Variants in TAB2 observed in about 807,000 individuals in gnomAD.
TAB2 encodes TGF-beta activated kinase 1 (MAP3K7) binding protein 2.
A neutral mutation model predicts 65.0 loss-of-function variants in TAB2; 3 were observed. The observed-to-expected ratio is 0.05, with a 90% CI of 0.02 to 0.12. The LOEUF is 0.12. TAB2 is among the 10% of genes least tolerant of loss of function. The pLI is 1.00. For missense variants in TAB2, 623 were observed against 840.3 expected (o/e 0.74, Z 3.20); for synonymous variants, 298 against 285.1 (o/e 1.05, Z -0.46).
upstream of TAB2, among the ~76,000 whole-genome samples, chr6:149,314,188 C>T (rs1018398886): frequency 2.0e-5 from 3 of 152,198 alleles, no homozygotes. Context: ...ACTATATTAA[C>T]TCTTCATTAT....
chr6:149,302,397 T>C (rs1236671555), intron 1 of TAB2, among the ~76,000 whole-genome samples: 1 of 152,228 alleles, frequency 6.6e-6, no homozygotes, highest in African/African-American at 2.4e-5. Context: ...TGAAACCCTA[T>C]ATATGAATAT....
chr6:149,307,919 T>C (rs997075398), intron 1 of TAB2, among the ~76,000 whole-genome samples: 2 of 152,244 alleles, frequency 1.3e-5, no homozygotes, highest in Non-Finnish European at 2.9e-5. Flanking sequence ...CTTTTTTCTA[T>C]ACATACCCAC....
intron 1 of TAB2, among the ~76,000 whole-genome samples, chr6:149,232,359 C>T (rs1490392692): frequency 6.6e-6 from 1 of 152,150 alleles, no homozygotes; most frequent in African/African-American, 2.4e-5. Flanking sequence ...CCCCAAGTAG[C>T]TGGGATTACA....
intron 1 of TAB2, among the ~76,000 whole-genome samples, chr6:149,278,548 G>T (rs576596808): frequency 6.6e-6 from 1 of 152,326 alleles, no homozygotes; most frequent in African/African-American, 2.4e-5. Flanking sequence ...CTTTGATGAA[G>T]AAGGTATCAT....
chr6:149,317,866 G>GCGGGGAGGGA lies in TAB2; in HGVS notation c.-239_-238insCGGGGAGGGA. The stretch of plus-strand genomic sequence containing the variant: ...TGAGCGGGGAGGGAGGGAGGGCTGA[G>GCGGGGAGGGA]GTGTCCCCCCTGCCGGGTGGAACCG... On this transcript the variant is annotated 5_prime_UTR_variant, in exon 1 of 7. Transcript: ENST00000637181. This position sits in a 1 kb window ranked among gnomAD's most constrained non-coding sequence, Gnocchi z 4.7. 6.0e-6 allele frequency: 1 copy of GCGGGGAGGGA among 168,030 alleles called. No individual in the cohort carries two copies. The highest frequency in any genetic ancestry group is 1.3e-5 in the Non-Finnish European group (1 of 78,634). The allele number at this position is 168,030 out of a possible 1,614,324, so 10.4% of individuals were successfully genotyped here. A position where few individuals can be genotyped will look rare whatever the true frequency, so the allele number is the denominator to read the frequency against.
intron 1 of TAB2, among the ~76,000 whole-genome samples, chr6:149,231,769 G>A (rs146288624): frequency 5.3e-5 from 8 of 152,288 alleles, no homozygotes; most frequent in Non-Finnish European, 1.0e-4. Context: ...CATTTAGACC[G>A]TATCTCTGGT....
intron 1 of TAB2, among the ~76,000 whole-genome samples, chr6:149,245,838 C>T (rs1341128811): frequency 6.6e-6 from 1 of 152,212 alleles, no homozygotes; most frequent in African/African-American, 2.4e-5. Context: ...CCAGATTCTG[C>T]CTCTTCAAGC....
chr6:149,229,539 T>C (rs1353330793), intron 1 of TAB2, among the ~76,000 whole-genome samples: 2 of 152,154 alleles, frequency 1.3e-5, no homozygotes, highest in Non-Finnish European at 2.9e-5. Flanking sequence ...AGACCTACAC[T>C]GTGCAGAATG....
chr6:149,357,430 AACACACACACACACACACACAC>A (rs1554261742), intron 1 of TAB2, among the ~76,000 whole-genome samples: 16 of 111,146 alleles, frequency 1.4e-4, no homozygotes, highest in Non-Finnish European at 2.9e-4. Context: ...AGAAAAAAAA[AACACACACACACACACACACAC>A]ACACACACAC....
chr6:149,237,388 C>T (rs961540582), intron 1 of TAB2, among the ~76,000 whole-genome samples: 1 of 152,180 alleles, frequency 6.6e-6, no homozygotes, highest in Non-Finnish European at 1.5e-5. Flanking sequence ...CCTGAAGATG[C>T]AATGTGGTCC....
At position 149,369,729 on chromosome 6, in the gene TAB2, A is replaced by C. The variant is rs141925826; in HGVS notation, c.-89-180A>C. Among the ~76,000 whole-genome samples, 177 of 152,374 alleles carry C rather than the reference A, an allele frequency of 1.2e-3. 1 individual carries two copies. The highest frequency in any genetic ancestry group is 4.0e-3 in the African/African-American group (165 of 41,590). ...GAGTTAGACAGTATGAAAGTTTACC[A>C]TCAGAGTTTATACTAAAAAGATAGT... is the stretch of plus-strand genomic sequence containing the variant. On this transcript the variant is annotated intron_variant, in intron 1 of 6. Transcript: ENST00000637181.
chr6:149,274,109 C>G (rs918952193), intron 1 of TAB2, among the ~76,000 whole-genome samples: 1 of 152,192 alleles, frequency 6.6e-6, no homozygotes, highest in Non-Finnish European at 1.5e-5. Flanking sequence ...GACCTCAATC[C>G]ATAACTCAAA....
At position 149,360,012 on chromosome 6, in the gene TAB2, T is replaced by C. The variant is rs556390942; in HGVS notation, c.-89-9897T>C. 1.2e-4 allele frequency among the ~76,000 whole-genome samples: 18 copies of C among 152,324 alleles called. No individual in the cohort carries two copies. The South Asian group carries it at 3.5e-3, about 30-fold the overall frequency. On this transcript the variant is annotated intron_variant, in intron 1 of 6. Coordinates refer to ENST00000637181, the MANE Select transcript of TAB2 (RefSeq NM_001292034.3). ...ATATAATGGAAGTACATTAATAAGTTTAGTTTAAAGTGAGATACCAGTAAT... is the reference window on the plus strand; with the variant it reads ...ATATAATGGAAGTACATTAATAAGTCTAGTTTAAAGTGAGATACCAGTAAT...
intron 2 of TAB2, 26 bp downstream of exon 2, chr6:149,370,125 T>C (rs1781170507): frequency 6.3e-7 from 1 of 1,582,368 alleles, no homozygotes; most frequent in South Asian, 1.1e-5. Context: ...TTTCTGAATT[T>C]GTTAATACAA....
intron 1 of TAB2, among the ~76,000 whole-genome samples, chr6:149,295,990 T>C (rs1312373559): frequency 6.6e-6 from 1 of 152,236 alleles, no homozygotes; most frequent in Admixed American, 6.5e-5. Flanking sequence ...CAGGCTTGTC[T>C]TGAACTCCTG....
intron 1 of TAB2, among the ~76,000 whole-genome samples, chr6:149,344,290 A>G (rs1194362621): frequency 1.3e-5 from 2 of 152,230 alleles, no homozygotes; most frequent in African/African-American, 2.4e-5. Flanking sequence ...ATTCAATGTA[A>G]ATAGACACAG....
chr6:149,289,887 G>A (rs949413323), intron 1 of TAB2, among the ~76,000 whole-genome samples: 10 of 152,250 alleles, frequency 6.6e-5, no homozygotes, highest in South Asian at 2.1e-4. Context: ...GGAAACATGT[G>A]GGGTGTGGGC....
rs146564273 is a variant in TAB2 at position 149,376,920 on chromosome 6, G to A, written c.103-1098G>A. Among the ~76,000 whole-genome samples, 1,315 of 148,508 alleles carry A rather than the reference G, an allele frequency of 8.9e-3. 15 individuals are homozygous for A. The highest frequency in any genetic ancestry group is 0.031 in the African/African-American group (1,263 of 40,182). ...CCACTCTGGAGTAGATTTTTATGAT[G>A]TTATCTAAAGGCAGAGATAGGAGCT... On this transcript the variant is annotated intron_variant, in intron 2 of 6. Coordinates refer to ENST00000637181, the MANE Select transcript of TAB2 (RefSeq NM_001292034.3).
At chr6:149,333,989 G>A (rs1052976380) in intron 1 of TAB2, among the ~76,000 whole-genome samples, 4 of 152,080 alleles carry the variant, frequency 2.6e-5, no homozygotes, top group Non-Finnish European at 5.9e-5. Flanking sequence ...CATGATTATT[G>A]GGAGCATTAG....
Sources: gnomAD v4.1 joint callset for allele counts (sites outside exome capture counted in the v4.1 genomes callset) on GRCh38, gnomAD v4.1.1 for gene constraint, Gnocchi (gnomAD v3.1) non-coding constraint, MANE v1.5 for transcripts, NCBI Gene and HGNC (gene_info 2026-07-23, HGNC 2026-07-21) for gene names.